GALNTL6: variants seen among roughly 807,000 people sequenced by gnomAD.
The protein encoded by GALNTL6 is polypeptide N-acetylgalactosaminyltransferase like 6, also known as polypeptide N-acetylgalactosaminyltransferase-like 6.
Under a neutral mutation model 73.7 loss-of-function variants are expected in GALNTL6, and 46 were observed. The ratio of observed to expected loss-of-function variants is 0.62; its 90% CI spans 0.49 to 0.80. The LOEUF (loss-of-function observed/expected upper bound fraction) is 0.80. Ranked by LOEUF, GALNTL6 falls within the 30% of genes least tolerant of loss-of-function variation. The pLI is 0.00. For missense variants in GALNTL6, 604 were observed against 755.0 expected (o/e 0.80, Z 2.34); for synonymous variants, 259 against 263.7 (o/e 0.98, Z 0.17).
At chr4:172,905,812 C>CA (rs397996287) in intron 8 of GALNTL6, among the ~76,000 whole-genome samples, 1,415 of 69,364 alleles carry the variant, frequency 0.02, 19 homozygotes, top group South Asian at 0.038. Flanking sequence ...AGAGATCACT[C>CA]AAAAAAAAAA....
intron 7 of GALNTL6, among the ~76,000 whole-genome samples, chr4:172,872,836 C>T (rs1055880355): frequency 5.9e-5 from 9 of 152,192 alleles, no homozygotes; most frequent in East Asian, 1.9e-4. Context: ...CCACCTCTCC[C>T]GTCAATCACT....
In GALNTL6 at chr4:171,873,228, T is replaced by C. The variant is rs78637018; in HGVS notation, c.138+58510T>C. Among the ~76,000 whole-genome samples the C allele has an allele frequency of 1.4e-3, 220 of 152,302 alleles. 1 individual carries two copies. Among genetic ancestry groups the C allele is most frequent in the Admixed American group, 9.9e-3 (151 of 15,298 alleles). Reference sequence around the variant, plus strand: ...TTTCATCACCAGAAGAAACAACATATTGGACCTTGGCAGAACCAATCCATT... The same window carrying C: ...TTTCATCACCAGAAGAAACAACATACTGGACCTTGGCAGAACCAATCCATT... On this transcript the variant is annotated intron_variant, in intron 2 of 12. Transcript: ENST00000506823.
chr4:172,022,836 A>G (rs554415925), intron 2 of GALNTL6, among the ~76,000 whole-genome samples: 2 of 152,006 alleles, frequency 1.3e-5, no homozygotes, highest in African/African-American at 4.8e-5. Context: ...TGAAATCTCA[A>G]TTAGATTTAT....
At chr4:172,017,410 G>T (rs1370119985) in intron 2 of GALNTL6, among the ~76,000 whole-genome samples, 1 of 152,060 alleles carries the variant, frequency 6.6e-6, no homozygotes, top group Non-Finnish European at 1.5e-5. Flanking sequence ...TCCTCCTGTG[G>T]GGCTATACTC....
chr4:172,552,146 A>C (rs1221006830), intron 5 of GALNTL6, among the ~76,000 whole-genome samples: 1 of 152,132 alleles, frequency 6.6e-6, no homozygotes, highest in Non-Finnish European at 1.5e-5. Context: ...TTCGTTGAAT[A>C]ATCTAGCCCT....
chr4:171,915,318 G>A (rs112357829), intron 2 of GALNTL6, among the ~76,000 whole-genome samples: 8 of 152,198 alleles, frequency 5.3e-5, no homozygotes, highest in African/African-American at 1.7e-4. Flanking sequence ...ATTGTCTGTA[G>A]TTAATCCCTT....
chr4:172,782,516 TAA>T (rs1482401036), intron 5 of GALNTL6, among the ~76,000 whole-genome samples: 1 of 152,134 alleles, frequency 6.6e-6, no homozygotes, highest in African/African-American at 2.4e-5. Flanking sequence ...TAGGTGTGCA[TAA>T]AATGGTAGAG....
At chr4:172,490,899 A>G (rs1733871738) in intron 5 of GALNTL6, among the ~76,000 whole-genome samples, 1 of 152,148 alleles carries the variant, frequency 6.6e-6, no homozygotes, top group Admixed American at 6.6e-5. Flanking sequence ...TCATTCATTT[A>G]TTCATTTATA....
At chr4:172,572,039 G>T (rs896057528) in intron 5 of GALNTL6, among the ~76,000 whole-genome samples, 18 of 152,068 alleles carry the variant, frequency 1.2e-4, no homozygotes, top group African/African-American at 4.1e-4. Context: ...CTTTCAATTG[G>T]CAGGCACCCA....
At chr4:173,028,104 T>TTAATGCAAAACCAAACAAA (rs1199539320) in intron 12 of GALNTL6, among the ~76,000 whole-genome samples, 1 of 152,138 alleles carries the variant, frequency 6.6e-6, no homozygotes, top group Non-Finnish European at 1.5e-5. Context: ...ATCCAAACAT[T>TTAATGCAAAACCAAACAAA]TAATGCAAAA....
At chr4:172,273,871 T>G (rs1350830032) in intron 3 of GALNTL6, among the ~76,000 whole-genome samples, 1 of 152,160 alleles carries the variant, frequency 6.6e-6, no homozygotes, top group East Asian at 1.9e-4. Context: ...TTTCAGCTGA[T>G]GGCACCCAAT....
chr4:172,813,410 C>A, intron 6 of GALNTL6, 130 bp from the exon 7 acceptor site: 1 of 620,082 alleles, frequency 1.6e-6, no homozygotes, highest in Non-Finnish European at 2.7e-6. Flanking sequence ...GAAAAGGGCT[C>A]TAAGGAGGAC....
At chr4:171,840,615 G>A (rs1735213498) in intron 2 of GALNTL6, among the ~76,000 whole-genome samples, 1 of 152,140 alleles carries the variant, frequency 6.6e-6, no homozygotes, top group African/African-American at 2.4e-5. Context: ...AGGAGTGTGG[G>A]TAGCCTTTGG....
intron 2 of GALNTL6, among the ~76,000 whole-genome samples, chr4:172,161,642 T>C (rs1734471288): frequency 6.6e-6 from 1 of 151,924 alleles, no homozygotes; most frequent in African/African-American, 2.4e-5. Flanking sequence ...TCAAGAAAAG[T>C]TTATAATAGG....
At chr4:172,772,407 T>TA (rs941637701) in intron 5 of GALNTL6, among the ~76,000 whole-genome samples, 3 of 152,174 alleles carry the variant, frequency 2.0e-5, no homozygotes. Context: ...AAGAGAAGCT[T>TA]AAAAAATAGC....
chr4:172,760,881 T>G (rs1254411346), intron 5 of GALNTL6, among the ~76,000 whole-genome samples: 1 of 152,068 alleles, frequency 6.6e-6, no homozygotes, highest in Non-Finnish European at 1.5e-5. Context: ...ATGAGAAAAT[T>G]GACAAAGTAA....
chr4:172,886,750 CA>C (rs1351709185), intron 8 of GALNTL6, among the ~76,000 whole-genome samples: 1 of 149,090 alleles, frequency 6.7e-6, no homozygotes, highest in Non-Finnish European at 1.5e-5. Context: ...GCAACAAGAG[CA>C]AAAAACTCCA....
At chr4:172,175,873 C>A (rs1001530233) in intron 2 of GALNTL6, among the ~76,000 whole-genome samples, 4 of 151,700 alleles carry the variant, frequency 2.6e-5, no homozygotes, top group African/African-American at 9.7e-5. Context: ...TGTTTCTTTC[C>A]CACATACACT....
At chr4:172,760,040 G>T (rs1737988016) in intron 5 of GALNTL6, among the ~76,000 whole-genome samples, 1 of 151,146 alleles carries the variant, frequency 6.6e-6, no homozygotes, top group African/African-American at 2.4e-5. Flanking sequence ...GTTTCACCTT[G>T]TTAGCCAGGA....
Sources: allele counts gnomAD v4.1 joint callset (sites outside exome capture counted in the v4.1 genomes callset), GRCh38; gene constraint gnomAD v4.1.1; transcripts MANE v1.5; gene names NCBI Gene and HGNC (gene_info 2026-07-23, HGNC 2026-07-21).